Variants in LYST observed in about 807,000 individuals in gnomAD.
LYST encodes the protein lysosomal trafficking regulator, also known as lysosomal-trafficking regulator.
A neutral mutation model predicts 413.6 loss-of-function variants in LYST; 192 were observed. The ratio of observed to expected loss-of-function variants is 0.46; its 90% confidence interval spans 0.41 to 0.52. The LOEUF is 0.52. LYST is among the 20% of genes least tolerant of loss of function. LYST has a pLI of 0.00. For missense variants in LYST, 3,815 were observed against 4,499.9 expected (o/e 0.85, Z 4.35); for synonymous variants, 1,525 against 1,567.3 (o/e 0.97, Z 0.64).
At chr1:235,775,919 C>G (rs1366878047) in intron 17 of LYST, among the ~76,000 whole-genome samples, 6 of 151,938 alleles carry the variant, frequency 3.9e-5, no homozygotes, top group Admixed American at 3.9e-4. Flanking sequence ...GGATACTGAA[C>G]AAGGTTTATA....
intron 1 of LYST, among the ~76,000 whole-genome samples, chr1:235,873,312 A>AGAC (rs1681016311): frequency 6.6e-6 from 1 of 152,230 alleles, no homozygotes; most frequent in African/African-American, 2.4e-5. Context: ...TATATAGAAA[A>AGAC]GACTGTACTT....
chr1:235,773,852 C>T lies in LYST; in HGVS notation c.5774G>A (p.Ser1925Asn), dbSNP rs200129772. Residue 1925 changes from serine (S) to asparagine (N), a missense_variant, in exon 19 of 53, where the codon AGT (serine) becomes AAT (asparagine). By Grantham distance (46) the Ser-to-Asn change is conservative. Around this residue, in one of 4 missense-constraint regions of LYST, gnomAD observed 530 missense variants for 696.5 expected, o/e 0.76. Coordinates refer to ENST00000389793, the MANE Select transcript of LYST (RefSeq NM_000081.4). ...GTACATATTACATGCCTCTGCTTTACTCCATATCTTCCAGTCAAGCAATAG... is the reference window on the plus strand; with the variant it reads ...GTACATATTACATGCCTCTGCTTTATTCCATATCTTCCAGTCAAGCAATAG... ...EELLLDWKIW[S>N]KAEQGVWETL... 46 of 1,612,274 alleles carry T rather than the reference C, an allele frequency of 2.9e-5. No homozygotes were observed. The highest frequency in any genetic ancestry group is 3.6e-5 in the Non-Finnish European group (42 of 1,178,658).
At chr1:235,861,827 G>A (rs866213911) in intron 1 of LYST, among the ~76,000 whole-genome samples, 2 of 152,122 alleles carry the variant, frequency 1.3e-5, no homozygotes, top group Non-Finnish European at 2.9e-5. Flanking sequence ...AAGTTTTACA[G>A]GGCAAATTCT....
Position 235,674,512 on chromosome 1 carries a change from T to C in LYST, c.11038+2579A>G, listed in dbSNP as rs1390758786. ...AATGAATTTAAAGCCAGGAATCAAA[T>C]AGCTGCAGGATTTGAATCTATATTG... On this transcript the variant is annotated intron_variant, in intron 50 of 52. Transcript: ENST00000389793. This position sits in a 1 kb window ranked among gnomAD's most constrained non-coding sequence, Gnocchi z 4.1. Among the ~76,000 whole-genome samples the C allele has an allele frequency of 6.6e-6, 1 of 151,988 alleles. No homozygotes were observed. Among genetic ancestry groups the C allele is most frequent in the African/African-American group, 2.4e-5 (1 of 41,374 alleles).
chr1:235,707,209 C>T (rs1000314993), intron 44 of LYST, among the ~76,000 whole-genome samples: 2 of 152,186 alleles, frequency 1.3e-5, no homozygotes, highest in African/African-American at 2.4e-5. Flanking sequence ...CCTCCTAACC[C>T]CCTTCACCCT....
chr1:235,688,744 G>A (rs1452745538), intron 47 of LYST, among the ~76,000 whole-genome samples: 1 of 151,988 alleles, frequency 6.6e-6, no homozygotes, highest in East Asian at 1.9e-4. Flanking sequence ...CAGCACTTTG[G>A]GAGGCCGAGG....
At position 235,877,726 on chromosome 1, in the gene LYST, C is replaced by T. The variant is rs1019038676; in HGVS notation, n.454+5461G>A. Among the ~76,000 whole-genome samples the T allele has an allele frequency of 9.9e-5, 15 of 152,008 alleles. No homozygotes were observed. In the East Asian group the frequency reaches 2.1e-3, roughly 22 times the overall value. On this transcript the variant is annotated intron_variant and non_coding_transcript_variant, in intron 1 of 11. Coordinates refer to the LYST transcript ENST00000465349. ...TGGCCGGTCAACTTTCTTTTTTAAA[C>T]GTTTCTATTCCGTGAGTACAGTTCT...
chr1:235,775,032 G>T lies in LYST; in HGVS notation c.5515C>A (p.Leu1839Ile). ...TGTTGGTTGTATTTAATTAATGAGAGTATAACTCGCAGTGCTAATGCTTGA... is the reference window on the plus strand; with the variant it reads ...TGTTGGTTGTATTTAATTAATGAGATTATAACTCGCAGTGCTAATGCTTGA... The part of the protein sequence containing the change: ...ETQALALRVI[L>I]SLIKYNQQRV... Residue 1839 changes from leucine to isoleucine, a missense_variant, in exon 18 of 53, where the codon CTC becomes ATC. Physicochemically the swap from Leu to Ile is conservative, Grantham distance 5. This residue lies in a region of LYST where 530 missense variants were observed against 696.5 expected (regional missense o/e 0.76). Transcript: ENST00000389793. 6.2e-7 allele frequency: 1 copy of T among 1,611,358 alleles called. No individual in the cohort carries two copies.
At chr1:235,781,146 C>A (rs1669833751) in intron 15 of LYST, 91 bp from the exon 16 acceptor site, 2 of 828,848 alleles carry the variant, frequency 2.4e-6, no homozygotes, top group Middle Eastern at 6.7e-4. Context: ...TTTTTTGTAG[C>A]CAGATTCTTT....
At chr1:235,694,166 T>A (rs1280549726) in intron 46 of LYST, among the ~76,000 whole-genome samples, 1 of 151,904 alleles carries the variant, frequency 6.6e-6, no homozygotes, top group African/African-American at 2.4e-5. Flanking sequence ...CTCGCCACCA[T>A]GCCCGGCTGA....
chr1:235,728,887 A>G (rs1007035101), intron 37 of LYST, among the ~76,000 whole-genome samples: 8 of 152,156 alleles, frequency 5.3e-5, no homozygotes, highest in Non-Finnish European at 1.0e-4. Flanking sequence ...TTGAAGGTAC[A>G]TCAAATCACT....
At chr1:235,861,271 T>C (rs1393515792) in intron 1 of LYST, among the ~76,000 whole-genome samples, 2 of 152,234 alleles carry the variant, frequency 1.3e-5, no homozygotes, top group African/African-American at 4.8e-5. Context: ...ATTATTTGAT[T>C]CCTTTCTTGA....
intron 1 of LYST, among the ~76,000 whole-genome samples, chr1:235,851,015 C>T (rs1678465612): frequency 6.6e-6 from 1 of 152,072 alleles, no homozygotes; most frequent in South Asian, 2.1e-4. Context: ...TCTAGCAATC[C>T]CACTACTGGG....
rs750096710 is a variant in LYST, at chr1:235,663,978, T to C, written c.11267+6A>G. ...TCTGAAGCATAAGAGGGGGAGAAGA[T>C]CTTACCTGATGATGGGCTTATTTGA... On this transcript the variant is annotated splice_donor_region_variant and intron_variant, in intron 52 of 52. Coordinates refer to ENST00000389793, the MANE Select transcript of LYST (RefSeq NM_000081.4). The C allele has an allele frequency of 3.6e-5, 57 of 1,601,492 alleles. No homozygotes were observed. Among genetic ancestry groups the C allele is most frequent in the East Asian group, 6.7e-5 (3 of 44,844 alleles).
At position 235,830,351 on chromosome 1, in the gene LYST, C is replaced by T; in HGVS notation, c.67G>A (p.Val23Met). 6.2e-7 allele frequency: 1 copy of T among 1,613,922 alleles called. No individual in the cohort carries two copies. The highest frequency in any genetic ancestry group is 8.5e-7 in the Non-Finnish European group (1 of 1,179,928). Residue 23 changes from valine to methionine, a missense_variant, in exon 3 of 53, where the codon GTG becomes ATG. Transcript: ENST00000389793. The stretch of plus-strand genomic sequence containing the variant: ...TCCCTGGCCTCCACCCTCTGGACCA[C>T]TGCATTGCAAAGCCGGTTGACATCG... Reference protein sequence around the residue: ...LTDVNRLCNAVVQRVEAREEE... With the variant: ...LTDVNRLCNAMVQRVEAREEE...
At chr1:235,748,384 CA>C (rs1203476604) in intron 28 of LYST, among the ~76,000 whole-genome samples, 2 of 151,516 alleles carry the variant, frequency 1.3e-5, no homozygotes, top group East Asian at 3.9e-4. Flanking sequence ...TAGCAAAAAC[CA>C]AGCAAAAAAA....
intron 47 of LYST, among the ~76,000 whole-genome samples, chr1:235,691,962 T>C (rs1028039344): frequency 6.7e-6 from 1 of 150,278 alleles, no homozygotes; most frequent in Non-Finnish European, 1.5e-5. Flanking sequence ...CCTCCCAAAG[T>C]GCTAGGATTA....
In LYST at chr1:235,693,367, T is replaced by G; in HGVS notation, c.10684A>C (p.Ser3562Arg). The G allele has an allele frequency of 6.2e-7, 1 of 1,611,260 alleles. No homozygotes were observed. The highest frequency in any genetic ancestry group is 8.5e-7 in the Non-Finnish European group (1 of 1,177,438). The change falls in exon 47 of 53, where the codon AGT becomes CGT. Residue 3562 changes from serine to arginine, a missense_variant. By Grantham distance (110) the Ser-to-Arg change is moderately radical. Around this residue, in one of 4 missense-constraint regions of LYST, gnomAD observed 866 missense variants for 1,156.0 expected, o/e 0.75. Transcript: ENST00000389793. ...GTGTTTACCTGGTACTGTTGTGAAC[T>G]TTGAATAAAGTTTACTGGAGGCTCA... is the stretch of plus-strand genomic sequence containing the variant. ...QSEPPVNFIQ[S>R]SQQYQVTSCA...
rs1351092739 is a variant in LYST, at chr1:235,730,908, C to T, written c.8983G>A (p.Asp2995Asn). 1 of 1,613,570 alleles carries T rather than the reference C, an allele frequency of 6.2e-7. No individual in the cohort carries two copies. Among genetic ancestry groups the T allele is most frequent in the African/African-American group, 1.3e-5 (1 of 74,894 alleles). Residue 2995 changes from aspartate to asparagine, a missense_variant, in exon 36 of 53, where the codon GAC (aspartate) becomes AAC (asparagine). Coordinates refer to ENST00000389793, the MANE Select transcript of LYST (RefSeq NM_000081.4). ...GAAGAGAAAGAAGAATGAGTTTTGTCTTCAAACAGGTAAGAGAGTGGTGGT... is the reference window on the plus strand; with the variant it reads ...GAAGAGAAAGAAGAATGAGTTTTGTTTTCAAACAGGTAAGAGAGTGGTGGT... Reference protein sequence around the residue: ...VKPPLSYLFEDKTHSSFSSTV... With the variant: ...VKPPLSYLFENKTHSSFSSTV...
Sources: allele counts gnomAD v4.1 joint callset (sites outside exome capture counted in the v4.1 genomes callset), GRCh38; gene constraint gnomAD v4.1.1; regional missense constraint gnomAD v4.1.1; non-coding constraint Gnocchi (gnomAD v3.1); transcripts MANE v1.5; gene names NCBI Gene and HGNC (gene_info 2026-07-23, HGNC 2026-07-21).